CCDC192: variants seen among roughly 807,000 people sequenced by gnomAD.
The protein encoded by CCDC192 is coiled-coil domain containing 192.
chr5:127,734,348 C>A (rs1006935323), intron 2 of CCDC192, among the ~76,000 whole-genome samples: 2 of 151,888 alleles, frequency 1.3e-5, no homozygotes, highest in Non-Finnish European at 2.9e-5. Flanking sequence ...TGGGTTGGTT[C>A]CAAGTCTTTG....
At chr5:127,894,956 T>C (rs757868410) in intron 6 of CCDC192, among the ~76,000 whole-genome samples, 37 of 152,258 alleles carry the variant, frequency 2.4e-4, no homozygotes, top group Non-Finnish European at 4.7e-4. Flanking sequence ...TGAAAAGTTA[T>C]ATAATCTGGC....
chr5:127,778,537 G>T (rs4836336), intron 3 of CCDC192, among the ~76,000 whole-genome samples: 17,314 of 152,040 alleles, frequency 0.11, 2,179 homozygotes, highest in African/African-American at 0.29. Context: ...GAGGATTTCT[G>T]TATCTATATT....
chr5:127,717,060 A>C (rs54201), intron 2 of CCDC192, among the ~76,000 whole-genome samples: 58,220 of 151,956 alleles, frequency 0.38, 11,714 homozygotes, highest in East Asian at 0.65. Context: ...TTATCACTGA[A>C]AGCAAGACAA....
intron 5 of CCDC192, among the ~76,000 whole-genome samples, chr5:127,864,229 C>T (rs1301347728): frequency 1.3e-5 from 2 of 152,326 alleles, no homozygotes; most frequent in East Asian, 3.9e-4. Flanking sequence ...AATCCTCAAA[C>T]TCCTCTTTAT....
intron 2 of CCDC192, among the ~76,000 whole-genome samples, chr5:127,719,352 A>G (rs892578755): frequency 1.3e-5 from 2 of 151,314 alleles, no homozygotes; most frequent in Admixed American, 1.3e-4. Flanking sequence ...TAGTGCTGCA[A>G]TAAATGTGGG....
intron 6 of CCDC192, among the ~76,000 whole-genome samples, chr5:127,912,097 T>TG (rs1753379138): frequency 6.6e-6 from 1 of 151,442 alleles, no homozygotes; most frequent in African/African-American, 2.4e-5. Flanking sequence ...AATTTTTTTT[T>TG]TTTTTTGTAT....
intron 5 of CCDC192, among the ~76,000 whole-genome samples, chr5:127,850,352 A>G (rs534767213): frequency 6.6e-6 from 1 of 152,174 alleles, no homozygotes; most frequent in Non-Finnish European, 1.5e-5. Flanking sequence ...TCCCAGGGCT[A>G]ATGCACTAGA....
rs577515716 is a variant in CCDC192 at position 127,732,119 on chromosome 5, C to G, written c.115-22149C>G. ...TATTCATCTGACAAAGGTCTAATAT[C>G]CAGGATCTACAAGGAACTTAAAGAA... is the stretch of plus-strand genomic sequence containing the variant. On this transcript the variant is annotated intron_variant, in intron 2 of 6. Coordinates refer to ENST00000514853, the MANE Select transcript of CCDC192 (RefSeq NM_001317938.2). Among the ~76,000 whole-genome samples the G allele has an allele frequency of 7.9e-5, 12 of 151,624 alleles. No individual in the cohort carries two copies. The East Asian group carries it at 1.9e-3, about 24-fold the overall frequency.
intron 5 of CCDC192, among the ~76,000 whole-genome samples, chr5:127,844,970 TTCTC>T (rs1750466610): frequency 6.6e-6 from 1 of 152,214 alleles, no homozygotes; most frequent in African/African-American, 2.4e-5. Context: ...GGCGCCACCC[TTCTC>T]TTTGTGGTTC....
chr5:127,897,277 C>T (rs936371604), intron 6 of CCDC192, among the ~76,000 whole-genome samples: 6 of 151,786 alleles, frequency 4.0e-5, no homozygotes, highest in Middle Eastern at 3.4e-3. Flanking sequence ...TTCAGCCCCC[C>T]GAGAATAAAA....
At chr5:127,842,733 A>G (rs1301310300) in intron 5 of CCDC192, among the ~76,000 whole-genome samples, 1 of 152,216 alleles carries the variant, frequency 6.6e-6, no homozygotes, top group Non-Finnish European at 1.5e-5. Context: ...GTTGGCCAAC[A>G]TGTTCACCCC....
At chr5:127,713,636 G>T (rs1751461973) in intron 2 of CCDC192, among the ~76,000 whole-genome samples, 1 of 152,046 alleles carries the variant, frequency 6.6e-6, no homozygotes, top group Non-Finnish European at 1.5e-5. Context: ...CTTTGCCCGA[G>T]GCTACAAATA....
At chr5:127,762,698 T>C (rs1754998506) in intron 3 of CCDC192, among the ~76,000 whole-genome samples, 2 of 152,182 alleles carry the variant, frequency 1.3e-5, no homozygotes, top group African/African-American at 4.8e-5. Context: ...AAATGTGACT[T>C]TCTTGTCTTG....
At chr5:127,732,000 G>A (rs1752664967) in intron 2 of CCDC192, among the ~76,000 whole-genome samples, 1 of 152,078 alleles carries the variant, frequency 6.6e-6, no homozygotes, top group South Asian at 2.1e-4. Flanking sequence ...TTGACAAATG[G>A]GATCTAATTA....
At chr5:127,839,482 G>C (rs1750184911) in intron 5 of CCDC192, among the ~76,000 whole-genome samples, 1 of 152,102 alleles carries the variant, frequency 6.6e-6, no homozygotes, top group African/African-American at 2.4e-5. Flanking sequence ...AGAATTTCAG[G>C]TGATTTATAA....
chr5:127,752,884 C>G (rs546757310), intron 2 of CCDC192, among the ~76,000 whole-genome samples: 3 of 152,170 alleles, frequency 2.0e-5, no homozygotes, highest in Non-Finnish European at 2.9e-5. Flanking sequence ...TTCCAGGTGC[C>G]GTTCGTCACC....
intron 3 of CCDC192, chr5:127,786,392 C>T: frequency 1.6e-6 from 1 of 627,334 alleles, no homozygotes; most frequent in Non-Finnish European, 2.9e-6. Flanking sequence ...ATGTAGGGCC[C>T]TTTGCAAATG....
intron 5 of CCDC192, among the ~76,000 whole-genome samples, chr5:127,810,150 C>T (rs1321907495): frequency 1.3e-5 from 2 of 152,156 alleles, no homozygotes; most frequent in African/African-American, 4.8e-5. Context: ...ACACATAGAT[C>T]CCAGAATTTC....
chr5:127,737,141 G>A (rs375254899), intron 2 of CCDC192, among the ~76,000 whole-genome samples: 50 of 151,694 alleles, frequency 3.3e-4, no homozygotes, highest in Admixed American at 5.9e-4. Context: ...CTTTGTTCTC[G>A]TTGGTTTCAA....
Sources: allele counts gnomAD v4.1 joint callset (sites outside exome capture counted in the v4.1 genomes callset), GRCh38; gene constraint gnomAD v4.1.1; transcripts MANE v1.5; gene names NCBI Gene and HGNC (gene_info 2026-07-23, HGNC 2026-07-21).